The following DOCK3 variants were observed in gnomAD, a reference collection of about 807,000 sequenced individuals.
DOCK3 encodes dedicator of cytokinesis 3, also known as dedicator of cytokinesis protein 3.
A neutral mutation model predicts 265.6 loss-of-function variants in DOCK3; 60 were observed. The observed-to-expected ratio is 0.23, with a 90% confidence interval of 0.18 to 0.28. The LOEUF is 0.28. Ranked by LOEUF, DOCK3 falls within the 10% of genes least tolerant of loss-of-function variation. DOCK3 has a pLI of 1.00. For synonymous variants in DOCK3, 881 were observed against 938.0 expected, an observed-to-expected ratio of 0.94 and a Z score of 1.11; for missense variants, 1,981 against 2,594.3, an observed-to-expected ratio of 0.76 and a Z score of 5.14.
At chr3:50,699,475 T>G (rs926766102) in intron 1 of DOCK3, among the ~76,000 whole-genome samples, 5 of 145,322 alleles carry the variant, frequency 3.4e-5, no homozygotes, top group African/African-American at 1.3e-4. Context: ...TTTTTTGAGA[T>G]GGATTCTTGC....
At chr3:50,812,484 A>C (rs1220564147) in intron 2 of DOCK3, among the ~76,000 whole-genome samples, 1 of 152,254 alleles carries the variant, frequency 6.6e-6, no homozygotes, top group Non-Finnish European at 1.5e-5. Flanking sequence ...ATATATAAAA[A>C]TAAAAGATAT....
At chr3:50,963,396 C>T (rs2076943822) in intron 5 of DOCK3, among the ~76,000 whole-genome samples, 1 of 151,896 alleles carries the variant, frequency 6.6e-6, no homozygotes, top group Non-Finnish European at 1.5e-5. Context: ...TTGTGGTAGC[C>T]ATTATATTTA....
intron 3 of DOCK3, chr3:50,877,686 C>A (rs76052351): frequency 3.3e-4 from 116 of 346,332 alleles, no homozygotes; most frequent in African/African-American, 2.9e-3. Flanking sequence ...TTTTCTTTTT[C>A]TTTTTTATGT....
At chr3:51,325,589 T>G (rs942945567) in intron 32 of DOCK3, among the ~76,000 whole-genome samples, 3 of 152,064 alleles carry the variant, frequency 2.0e-5, no homozygotes. Context: ...TATAAATCAT[T>G]CTACTATAAA....
At chr3:51,124,267 C>CA (rs1177179300) in intron 9 of DOCK3, among the ~76,000 whole-genome samples, 1 of 152,166 alleles carries the variant, frequency 6.6e-6, no homozygotes, top group African/African-American at 2.4e-5. Flanking sequence ...TCCTTTGTCT[C>CA]AGTGACCCCT....
At chr3:50,958,753 T>C (rs1262061224) in intron 5 of DOCK3, among the ~76,000 whole-genome samples, 1 of 152,222 alleles carries the variant, frequency 6.6e-6, no homozygotes, top group African/African-American at 2.4e-5. Flanking sequence ...CTTTGCCCTT[T>C]TGGAGCTCAC....
Position 51,068,413 on chromosome 3 carries a change from G to A in DOCK3, c.464+3817G>A, listed in dbSNP as rs564129941. Among the ~76,000 whole-genome samples the A allele has an allele frequency of 9.2e-5, 14 of 151,996 alleles. 1 individual carries two copies. In the South Asian group the frequency reaches 2.3e-3, roughly 25 times the overall value. ...AAATTAGCCGGGCGTGGTGGCGGGC[G>A]CCTGTAGTCCCAGCTACTCGGGAGG... is the stretch of plus-strand genomic sequence containing the variant. On this transcript the variant is annotated intron_variant, in intron 6 of 52. Coordinates refer to ENST00000266037, the MANE Select transcript of DOCK3 (RefSeq NM_004947.5).
chr3:51,291,701 C>G (rs1241715743), intron 27 of DOCK3, among the ~76,000 whole-genome samples: 1 of 152,128 alleles, frequency 6.6e-6, no homozygotes, highest in South Asian at 2.1e-4. Context: ...CCTTCCCAAA[C>G]TTTTCTTAAA....
intron 32 of DOCK3, among the ~76,000 whole-genome samples, chr3:51,318,437 A>G (rs981166878): frequency 1.3e-5 from 2 of 152,198 alleles, no homozygotes; most frequent in Non-Finnish European, 2.9e-5. Flanking sequence ...CAATGAAAAC[A>G]GTATATCTTT....
intron 10 of DOCK3, among the ~76,000 whole-genome samples, chr3:51,152,790 A>C (rs911328678): frequency 1.3e-5 from 2 of 152,210 alleles, no homozygotes; most frequent in African/African-American, 4.8e-5. Context: ...CTGGAGGTCC[A>C]TTCCAGACCC....
chr3:51,042,163 A>G (rs2080560457), intron 5 of DOCK3, among the ~76,000 whole-genome samples: 1 of 152,234 alleles, frequency 6.6e-6, no homozygotes, highest in Non-Finnish European at 1.5e-5. Context: ...TCGTTAATGA[A>G]TATTGATGCC....
At chr3:51,097,376 C>T (rs1008365249) in intron 9 of DOCK3, among the ~76,000 whole-genome samples, 5 of 152,174 alleles carry the variant, frequency 3.3e-5, no homozygotes, top group Non-Finnish European at 5.9e-5. Flanking sequence ...CCACCCAGTT[C>T]GAACTTCCAG....
At chr3:51,074,467 A>G (rs1009300858) in intron 6 of DOCK3, among the ~76,000 whole-genome samples, 6 of 152,150 alleles carry the variant, frequency 3.9e-5, no homozygotes, top group African/African-American at 1.2e-4. Context: ...TGCCCCAAAG[A>G]TCCTCCAAAT....
chr3:51,110,185 A>G (rs1034910644), intron 9 of DOCK3, among the ~76,000 whole-genome samples: 2 of 152,032 alleles, frequency 1.3e-5, no homozygotes, highest in African/African-American at 4.8e-5. Context: ...TACCAGCCAA[A>G]TAAATAAATA....
chr3:50,786,487 CCCA>C (rs1403581324), intron 2 of DOCK3, among the ~76,000 whole-genome samples: 1 of 152,118 alleles, frequency 6.6e-6, no homozygotes, highest in Middle Eastern at 3.2e-3. Context: ...TAAAGAAACG[CCCA>C]CCATTTCTTT....
At chr3:50,783,446 A>G (rs1389715242) in intron 2 of DOCK3, among the ~76,000 whole-genome samples, 2 of 151,878 alleles carry the variant, frequency 1.3e-5, no homozygotes, top group Non-Finnish European at 2.9e-5. Context: ...GCATTTTTTC[A>G]TGTGTTCATT....
intron 2 of DOCK3, among the ~76,000 whole-genome samples, chr3:50,819,979 C>G (rs1430429353): frequency 1.3e-5 from 2 of 151,864 alleles, no homozygotes; most frequent in African/African-American, 2.4e-5. Context: ...AAAACAACAA[C>G]AACAAAAAAT....
chr3:51,112,008 C>T (rs897938439), intron 9 of DOCK3, among the ~76,000 whole-genome samples: 1 of 152,176 alleles, frequency 6.6e-6, no homozygotes, highest in Admixed American at 6.5e-5. Context: ...GAGATACCAT[C>T]TCACACCAGT....
chr3:51,379,584 C>T (rs1030622567), intron 51 of DOCK3: 19 of 985,360 alleles, frequency 1.9e-5, no homozygotes, highest in Non-Finnish European at 2.2e-5. Context: ...AAGAAGACCT[C>T]CAGCGGGTCC....
Sources: allele counts gnomAD v4.1 joint callset (sites outside exome capture counted in the v4.1 genomes callset), GRCh38; gene constraint gnomAD v4.1.1; transcripts MANE v1.5; gene names NCBI Gene and HGNC (gene_info 2026-07-23, HGNC 2026-07-21).